The following HACD3 variants were observed in gnomAD, a reference collection of about 807,000 sequenced individuals.
HACD3 encodes the protein very-long-chain (3R)-3-hydroxyacyl-CoA dehydratase 3.
Under a neutral mutation model 55.2 loss-of-function variants are expected in HACD3, and 30 were observed. That is an observed-to-expected ratio of 0.54 (90% CI 0.41 to 0.74). The LOEUF (loss-of-function observed/expected upper bound fraction) is 0.74. HACD3 is among the 30% of genes least tolerant of loss of function. The pLI, the probability that HACD3 is intolerant of heterozygous loss-of-function variation, is 0.00. For synonymous variants in HACD3, 141 were observed against 151.7 expected (o/e 0.93, Z 0.52); for missense variants, 363 against 440.1 (o/e 0.82, Z 1.57).
intron 1 of HACD3, chr15:65,550,965 A>G (rs558208017): frequency 5.9e-5 from 9 of 152,374 alleles, no homozygotes; most frequent in African/African-American, 9.6e-5. Flanking sequence ...CTGGGAATCA[A>G]TGAGCAGTCT....
chr15:65,576,771 A>G lies in HACD3; in HGVS notation c.*392A>G, dbSNP rs2072405540. On this transcript the variant is annotated 3_prime_UTR_variant, in exon 11 of 11. Transcript: ENST00000261875. ...TCAGCTATTGCTTGTGAAAAAAAGC[A>G]AGACTATGTCACTCTATAGAAGGCT... is the stretch of plus-strand genomic sequence containing the variant. 5.4e-6 allele frequency: 1 copy of G among 183,680 alleles called. No homozygotes were observed. Among genetic ancestry groups the G allele is most frequent in the South Asian group, 1.3e-4 (1 of 7,746 alleles). 11.4% of individuals were successfully genotyped at this position (183,680 alleles called of 1,614,324 possible).
intron 1 of HACD3, chr15:65,550,815 C>G (rs1011719113): frequency 1.3e-5 from 2 of 152,176 alleles, no homozygotes; most frequent in Admixed American, 1.3e-4. Context: ...AAACAAACAC[C>G]GTGACACTGG....
At chr15:65,534,170 G>A (rs992656278) in intron 1 of HACD3, among the ~76,000 whole-genome samples, 3 of 152,218 alleles carry the variant, frequency 2.0e-5, no homozygotes, top group Non-Finnish European at 4.4e-5. Context: ...AGCTAGGTGT[G>A]GGGTTCTTGG....
At chr15:65,535,242 A>T (rs1291313184) in intron 1 of HACD3, among the ~76,000 whole-genome samples, 6 of 152,244 alleles carry the variant, frequency 3.9e-5, no homozygotes, top group Admixed American at 2.6e-4. Context: ...CCCTAAAGAC[A>T]AAGATTGGCA....
intron 1 of HACD3, 179 bp downstream of exon 1, chr15:65,530,897 C>A: frequency 1.7e-6 from 1 of 605,760 alleles, no homozygotes; most frequent in Admixed American, 3.6e-5. Flanking sequence ...AGATCTCGGG[C>A]CGGGGGCACA....
intron 5 of HACD3, among the ~76,000 whole-genome samples, chr15:65,559,232 G>T (rs1358723655): frequency 6.6e-6 from 1 of 152,084 alleles, no homozygotes; most frequent in African/African-American, 2.4e-5. Context: ...AGGAAGCTCT[G>T]TAAGTGTATT....
At chr15:65,549,173 A>G (rs546403973) in intron 1 of HACD3, among the ~76,000 whole-genome samples, 27 of 152,328 alleles carry the variant, frequency 1.8e-4, no homozygotes, top group African/African-American at 6.5e-4. Flanking sequence ...CACGGTAGAA[A>G]TGAAATTGGG....
intron 1 of HACD3, among the ~76,000 whole-genome samples, chr15:65,546,771 G>A (rs2072081440): frequency 6.6e-6 from 1 of 152,020 alleles, no homozygotes; most frequent in African/African-American, 2.4e-5. Context: ...AGATTTAAAT[G>A]TTTTCAAAAT....
rs72740730 is a variant in HACD3 at position 65,569,538 on chromosome 15, G to A, written c.661-553G>A. Among the ~76,000 whole-genome samples, 85 of 152,070 alleles carry A rather than the reference G, an allele frequency of 5.6e-4. 2 individuals are homozygous for A. The East Asian group carries it at 0.013, about 24-fold the overall frequency. ...AGCTTGGCCAACACAGTGAGACCCC[G>A]TCTCTACAAAAAAATAAAATTAGCC... On this transcript the variant is annotated intron_variant, in intron 7 of 10. Coordinates refer to ENST00000261875, the MANE Select transcript of HACD3 (RefSeq NM_016395.4).
chr15:65,576,465 T>C lies in HACD3; in HGVS notation c.*86T>C. ...CTTCTTGAACCAATGTAAAAGTTTT[T>C]TTAATGTTAAATGATTAAATTCTCA... On this transcript the variant is annotated 3_prime_UTR_variant, in exon 11 of 11. Transcript: ENST00000261875. 7.2e-7 allele frequency: 1 copy of C among 1,381,458 alleles called. No homozygotes were observed. The highest frequency in any genetic ancestry group is 1.4e-5 in the South Asian group (1 of 73,270). The allele number at this position is 1,381,458 out of a possible 1,614,324, so 85.6% of individuals were successfully genotyped here.
At chr15:65,531,326 G>C (rs541378290) in intron 1 of HACD3, 1 of 152,398 alleles carries the variant, frequency 6.6e-6, no homozygotes, top group African/African-American at 2.4e-5. Context: ...TTCCCCCTCT[G>C]TTCTGAAGGT....
intron 5 of HACD3, among the ~76,000 whole-genome samples, chr15:65,561,590 A>G (rs1465239239): frequency 6.6e-6 from 1 of 151,918 alleles, no homozygotes; most frequent in Non-Finnish European, 1.5e-5. Context: ...ACACTACAAC[A>G]CTCAACTGCT....
At chr15:65,568,342 G>T (rs1259709247) in intron 7 of HACD3, among the ~76,000 whole-genome samples, 3 of 151,806 alleles carry the variant, frequency 2.0e-5, no homozygotes, top group African/African-American at 7.3e-5. Context: ...AAATGATTAA[G>T]ATGGTAAAGT....
chr15:65,544,683 A>C (rs188995108), intron 1 of HACD3, among the ~76,000 whole-genome samples: 1 of 152,330 alleles, frequency 6.6e-6, no homozygotes. Context: ...TCCTTTTTAC[A>C]GAAGAATGCC....
intron 7 of HACD3, among the ~76,000 whole-genome samples, chr15:65,567,826 T>G (rs2072307184): frequency 6.6e-6 from 1 of 152,024 alleles, no homozygotes; most frequent in Non-Finnish European, 1.5e-5. Context: ...TCTGCTTACA[T>G]GGGGTACTTA....
At position 65,564,240 on chromosome 15, in the gene HACD3, T is replaced by C; in HGVS notation, c.558T>C (p.Thr186=). The change falls in exon 7 of 11, where the codon ACT becomes ACC. Residue 186 remains threonine (T), a synonymous_variant. Coordinates refer to ENST00000261875, the MANE Select transcript of HACD3 (RefSeq NM_016395.4). ...GKESFYDTFH[T]VADMMYFCQM... ...AGTCCTTTTATGACACATTCCATAC[T>C]GTGGCTGACATGATGTATTTCTGCC... 1 of 1,613,834 alleles carries C rather than the reference T, an allele frequency of 6.2e-7. No individual in the cohort carries two copies. Among genetic ancestry groups the C allele is most frequent in the South Asian group, 1.1e-5 (1 of 91,050 alleles).
Position 65,572,296 on chromosome 15 carries a change from G to A in HACD3, c.942G>A (p.Leu314=), listed in dbSNP as rs776091890. The stretch of plus-strand genomic sequence containing the variant: ...AGACCGGACGATTCAGTTTCACATT[G>A]CCATATCCAGTGAAAATCAAAGTTA... ...FNETGRFSFT[L]PYPVKIKVRF... is the part of the protein sequence containing the mutation. Residue 314 remains leucine (L), a synonymous_variant, in exon 10 of 11, where the codon TTG becomes TTA. Transcript: ENST00000261875. 3.1e-6 allele frequency: 5 copies of A among 1,613,248 alleles called. No individual in the cohort carries two copies. In the South Asian group the frequency reaches 4.4e-5, roughly 14 times the overall value.
In HACD3 at chr15:65,575,081, CTCTTT is replaced by C. The variant is rs1382351981; in HGVS notation, c.1013-1217_1013-1213del. 7.2e-5 allele frequency among the ~76,000 whole-genome samples: 11 copies of C among 152,054 alleles called. No individual in the cohort carries two copies. The East Asian group carries it at 9.6e-4, about 13-fold the overall frequency. The stretch of plus-strand genomic sequence containing the variant: ...TTTGCTTATAGTGAATATGTAGTTG[CTCTTT>C]TCTTATTCTTTAGAATGAAATAAAT... On this transcript the variant is annotated intron_variant, in intron 10 of 10. Transcript: ENST00000261875.
At chr15:65,548,987 C>T (rs190027713) in intron 1 of HACD3, among the ~76,000 whole-genome samples, 148 of 152,262 alleles carry the variant, frequency 9.7e-4, no homozygotes, top group Admixed American at 2.0e-3. Context: ...TCAGCCTCCC[C>T]GGTAGCTGGG....
Sources: allele counts gnomAD v4.1 joint callset (sites outside exome capture counted in the v4.1 genomes callset), GRCh38; gene constraint gnomAD v4.1.1; transcripts MANE v1.5; gene names NCBI Gene and HGNC (gene_info 2026-07-23, HGNC 2026-07-21).